The following EPS8L1 variants were observed in gnomAD, a reference collection of about 807,000 sequenced individuals.
The protein encoded by EPS8L1 is EPS8 signaling adaptor L1.
Under a neutral mutation model 91.7 loss-of-function variants are expected in EPS8L1, and 101 were observed. That is an observed-to-expected ratio of 1.10 (90% CI 0.94 to 1.30). The LOEUF is 1.30. EPS8L1 is among the 50% of genes most tolerant of loss of function. EPS8L1 has a pLI of 0.00. For missense variants in EPS8L1, 1,114 were observed against 1,017.0 expected, an observed-to-expected ratio of 1.10 and a Z score of -1.30; for synonymous variants, 506 against 445.3, an observed-to-expected ratio of 1.14 and a Z score of -1.72.
At position 55,079,840 on chromosome 19, in the gene EPS8L1, C is replaced by T. The variant is rs1188257963; in HGVS notation, c.268C>T (p.Pro90Ser). 2 of 1,612,548 alleles carry T rather than the reference C, an allele frequency of 1.2e-6. No individual in the cohort carries two copies. Among genetic ancestry groups the T allele is most frequent in the Admixed American group, 1.7e-5 (1 of 59,856 alleles). The change falls in exon 5 of 20, where the codon CCG (proline) becomes TCG (serine). Residue 90 changes from proline (P) to serine (S), a missense_variant. Physicochemically the swap from Pro to Ser is moderately conservative, Grantham distance 74 (BLOSUM62 -1). Coordinates refer to ENST00000201647, the MANE Select transcript of EPS8L1 (RefSeq NM_133180.3). Reference sequence around the variant, plus strand: ...TCCCGACCATGTCACGCTGCTCGACCCGGCCTCCAAGGTGCCGGGGGGCAC... The same window carrying T: ...TCCCGACCATGTCACGCTGCTCGACTCGGCCTCCAAGGTGCCGGGGGGCAC... ...VSPDHVTLLD[P>S]ASKEELESYP...
Position 55,077,584 on chromosome 19 carries a change from C to CTTTTT in EPS8L1, c.18-485_18-481dup, listed in dbSNP as rs35750835. ...AGCACCACCGCCTGACCTGACCTGT[C>CTTTTT]TTTTTTTTTTTTTTTTTTTTTTTGA... is the stretch of plus-strand genomic sequence containing the variant. On this transcript the variant is annotated intron_variant, in intron 2 of 19. Transcript: ENST00000201647. Among the ~76,000 whole-genome samples, 133 of 76,852 alleles carry CTTTTT rather than the reference C, an allele frequency of 1.7e-3. 1 individual carries two copies. Among genetic ancestry groups the CTTTTT allele is most frequent in the African/African-American group, 2.2e-3 (41 of 19,066 alleles). 50.4% of individuals were successfully genotyped at this position (76,852 alleles called of 152,430 possible).
Position 55,081,704 on chromosome 19 carries a change from G to C in EPS8L1, c.775-69G>C. 6.5e-7 allele frequency: 1 copy of C among 1,549,152 alleles called. No individual in the cohort carries two copies. Among genetic ancestry groups the C allele is most frequent in the South Asian group, 1.2e-5 (1 of 81,656 alleles). ...TCTGGGGAAGTGTATAGGTGCTCAG[G>C]TTCAGGGCTTCGACGGGGATGGTTT... On this transcript the variant is annotated intron_variant, in intron 8 of 19. Coordinates refer to ENST00000201647, the MANE Select transcript of EPS8L1 (RefSeq NM_133180.3). The surrounding 1 kb of genome is among the most constrained non-coding windows in gnomAD (Gnocchi z 4.9).
At chr19:55,082,236 C>T in intron 10 of EPS8L1, 39 bp from the exon 11 acceptor site, 8 of 1,601,840 alleles carry the variant, frequency 5.0e-6, no homozygotes, top group Middle Eastern at 1.7e-4. Context: ...CTGTCCCGTC[C>T]CCGCACCCAC....
chr19:55,086,524 T>G lies in EPS8L1; in HGVS notation c.1777+6T>G, dbSNP rs1340297040. ...CTTGGACCCCAGCGAGAAGGGTGAG[T>G]GGTGGGGACGCCGGCTGCGGGGAGC... On this transcript the variant is annotated splice_donor_region_variant and intron_variant, in intron 17 of 19. Coordinates refer to ENST00000201647, the MANE Select transcript of EPS8L1 (RefSeq NM_133180.3). The G allele has an allele frequency of 3.2e-6, 5 of 1,550,286 alleles. No homozygotes were observed. The Admixed American group carries it at 9.8e-5, about 30-fold the overall frequency.
rs761904592 is a variant in EPS8L1, at chr19:55,082,513, A to G, written c.1125A>G (p.Thr375=). 4 of 1,612,304 alleles carry G rather than the reference A, an allele frequency of 2.5e-6. No homozygotes were observed. The African/African-American group carries it at 4.0e-5, about 16-fold the overall frequency. The part of the protein sequence containing the change: ...FASSVRRPHL[T]SDAVALLRDN... ...GCAGTGTGCGGCGGCCGCATCTGAC[A>G]TCGGATGCCGTGGCGCTGCTGCGGG... Residue 375 remains threonine (T), a synonymous_variant, in exon 12 of 20, where the codon ACA becomes ACG. Coordinates refer to ENST00000201647, the MANE Select transcript of EPS8L1 (RefSeq NM_133180.3).
Position 55,081,375 on chromosome 19 carries a change from G to A in EPS8L1, c.657G>A (p.Glu219=). ...RGRPQAKPIP[E]AEEAQRPEPV... is the part of the protein sequence containing the mutation. ...GACCCCAGGCGAAGCCCATTCCCGAGGCAGAGGAGGCGCAGAGGCCTGAGC... is the reference window on the plus strand; with the variant it reads ...GACCCCAGGCGAAGCCCATTCCCGAAGCAGAGGAGGCGCAGAGGCCTGAGC... Residue 219 remains glutamate (E), a synonymous_variant, in exon 8 of 20, where the codon GAG becomes GAA. Transcript: ENST00000201647. This position sits in a 1 kb window ranked among gnomAD's most constrained non-coding sequence, Gnocchi z 4.9. 1 of 1,576,068 alleles carries A rather than the reference G, an allele frequency of 6.3e-7. No individual in the cohort carries two copies. Among genetic ancestry groups the A allele is most frequent in the East Asian group, 2.3e-5 (1 of 43,172 alleles).
In EPS8L1 at chr19:55,085,937, C is replaced by T. The variant is rs1033102160; in HGVS notation, c.1482C>T (p.Ser494=). ...LCNYDFQARN[S]SELSVKQRDV... is the part of the protein sequence containing the mutation. ...ATTATGACTTCCAGGCCCGCAACAG[C>T]AGTGAGCTGTCGGTCAAGCAGCGGG... Residue 494 remains serine, a synonymous_variant, in exon 15 of 20, where the codon AGC becomes AGT. Coordinates refer to ENST00000201647, the MANE Select transcript of EPS8L1 (RefSeq NM_133180.3). 4 of 1,613,574 alleles carry T rather than the reference C, an allele frequency of 2.5e-6. No individual in the cohort carries two copies. Among genetic ancestry groups the T allele is most frequent in the Non-Finnish European group, 3.4e-6 (4 of 1,179,738 alleles).
chr19:55,079,054 C>G lies in EPS8L1; in HGVS notation c.114C>G (p.Val38=), dbSNP rs766090182. 2.0e-5 allele frequency: 33 copies of G among 1,613,852 alleles called. No individual in the cohort carries two copies. The highest frequency in any genetic ancestry group is 2.8e-5 in the Non-Finnish European group (33 of 1,179,920). ...VVMADVSQYP[V]NHLVTFCLGE... is the part of the protein sequence containing the mutation. The stretch of plus-strand genomic sequence containing the variant: ...TGGCTGATGTATCCCAGTACCCAGT[C>G]AATGTGAGTCTGGGGTCTGTGTTCC... Residue 38 remains valine, a synonymous_variant, in exon 4 of 20, where the codon GTC becomes GTG. Coordinates refer to ENST00000201647, the MANE Select transcript of EPS8L1 (RefSeq NM_133180.3).
chr19:55,081,505 G>A lies in EPS8L1; in HGVS notation c.774+13G>A, dbSNP rs2076260712. On this transcript the variant is annotated intron_variant, in intron 8 of 19. Transcript: ENST00000201647. This position sits in a 1 kb window ranked among gnomAD's most constrained non-coding sequence, Gnocchi z 4.9. ...GGAGCGGGAAGTGGTGAGCCGCTAAGGAAGGGGTCTGGGGGCAGGGCCAGG... is the reference window on the plus strand; with the variant it reads ...GGAGCGGGAAGTGGTGAGCCGCTAAAGAAGGGGTCTGGGGGCAGGGCCAGG... 6 of 1,567,076 alleles carry A rather than the reference G, an allele frequency of 3.8e-6. No homozygotes were observed. Among genetic ancestry groups the A allele is most frequent in the Non-Finnish European group, 5.2e-6 (6 of 1,157,084 alleles).
At chr19:55,076,132 A>AAGAAG (rs1568769964) in intron 1 of EPS8L1, among the ~76,000 whole-genome samples, 738 of 15,908 alleles carry the variant, frequency 0.046, 10 homozygotes, top group Admixed American at 0.055. Context: ...AGGGAGGAGG[A>AAGAAG]GATGGGGCCT....
intron 6 of EPS8L1, chr19:55,080,538 C>T: frequency 6.2e-7 from 1 of 1,612,624 alleles, no homozygotes; most frequent in Non-Finnish European, 8.5e-7. Context: ...GCAGCCAGGA[C>T]GAGGTGGGGG....
At chr19:55,079,932 G>T (rs563334472) in intron 5 of EPS8L1, 81 bp downstream of exon 5, 23 of 1,488,718 alleles carry the variant, frequency 1.5e-5, no homozygotes, top group Non-Finnish European at 2.0e-5. Context: ...GCTCCTGCAC[G>T]TCCTTCCTCT....
At chr19:55,076,349 C>T in intron 1 of EPS8L1, 59 bp from the exon 2 acceptor site, 1 of 1,489,534 alleles carries the variant, frequency 6.7e-7, no homozygotes, top group Non-Finnish European at 9.2e-7. Flanking sequence ...AGGGAGGAGG[C>T]TGGGGTAGGA....
At position 55,083,176 on chromosome 19, in the gene EPS8L1, G is replaced by T. The variant is rs1404705675; in HGVS notation, c.1215-202G>T. 6.6e-6 allele frequency among the ~76,000 whole-genome samples: 1 copy of T among 152,228 alleles called. No individual in the cohort carries two copies. Among genetic ancestry groups the T allele is most frequent in the Non-Finnish European group, 1.5e-5 (1 of 68,046 alleles). On this transcript the variant is annotated intron_variant, in intron 12 of 19. Transcript: ENST00000201647. The surrounding 1 kb of genome is among the most constrained non-coding windows in gnomAD (Gnocchi z 4.7). ...CTCCCAAAATGCTGGGATTACAGGC[G>T]TGAGCCACCGTGCCCGGTCTAGAAA...
At chr19:55,076,320 GGCCTGGAT>G (rs1675542458) in intron 1 of EPS8L1, 80 bp from the exon 2 acceptor site, 3 of 1,213,234 alleles carry the variant, frequency 2.5e-6, no homozygotes, top group Non-Finnish European at 3.5e-6. Context: ...GAGGGGCTGG[GGCCTGGAT>G]GCCTGCATTG....
rs1281222022 is a variant in EPS8L1 at position 55,081,556 on chromosome 19, GA to G, written c.774+66del. 2.7e-6 allele frequency: 4 copies of G among 1,485,748 alleles called. No individual in the cohort carries two copies. The highest frequency in any genetic ancestry group is 3.6e-6 in the Non-Finnish European group (4 of 1,119,956). 92.0% of individuals were successfully genotyped at this position (1,485,748 alleles called of 1,614,324 possible). A position where few individuals can be genotyped will look rare whatever the true frequency, so the allele number is the denominator to read the frequency against. ...CGACTGGAGGCGGGGCTAGGGCGTG[GA>G]AGGGCGGGGCCGGCTGCGGGACGGG... On this transcript the variant is annotated intron_variant, in intron 8 of 19. Coordinates refer to ENST00000201647, the MANE Select transcript of EPS8L1 (RefSeq NM_133180.3). The surrounding 1 kb of genome is among the most constrained non-coding windows in gnomAD (Gnocchi z 4.9).
At chr19:55,080,583 G>T (rs1343216275) in intron 6 of EPS8L1, 189 bp from the exon 7 acceptor site, 1 of 1,605,206 alleles carries the variant, frequency 6.2e-7, no homozygotes, top group South Asian at 1.1e-5. Flanking sequence ...CCATGGGCGG[G>T]GTCGTGGCTT....
At position 55,081,857 on chromosome 19, in the gene EPS8L1, C is replaced by T. The variant is rs2076271166; in HGVS notation, c.859C>T (p.His287Tyr). The T allele has an allele frequency of 6.2e-7, 1 of 1,610,594 alleles. No homozygotes were observed. Among genetic ancestry groups the T allele is most frequent in the Admixed American group, 1.7e-5 (1 of 59,840 alleles). The change falls in exon 9 of 20, where the codon CAC becomes TAC. Residue 287 changes from histidine to tyrosine, a missense_variant. Transcript: ENST00000201647. The surrounding 1 kb of genome is among the most constrained non-coding windows in gnomAD (Gnocchi z 4.9). ...GGCGGAGGCGGCCAGGGTGCTGGAGCACCGGGAACGCGGCCGCAGGAGCCG... is the reference window on the plus strand; with the variant it reads ...GGCGGAGGCGGCCAGGGTGCTGGAGTACCGGGAACGCGGCCGCAGGAGCCG... Reference protein sequence around the residue: ...KSAEAARVLEHRERGRRSRRR... With the variant: ...KSAEAARVLEYRERGRRSRRR...
Position 55,086,142 on chromosome 19 carries a change from C to A in EPS8L1, c.1600C>A (p.Pro534Thr), listed in dbSNP as rs757013173. 1 of 1,607,140 alleles carries A rather than the reference C, an allele frequency of 6.2e-7. No individual in the cohort carries two copies. Among genetic ancestry groups the A allele is most frequent in the Non-Finnish European group, 8.5e-7 (1 of 1,176,152 alleles). ...ATATGTGCCCTACAACATCCTGACA[C>A]CCTACCCCGGACCCCGGCTGCACCA... ...EGYVPYNILT[P>T]YPGPRLHHSQ... The change falls in exon 16 of 20, where the codon CCC becomes ACC. Residue 534 changes from proline to threonine, a missense_variant. Pro to Thr is a conservative substitution (Grantham distance 38). Coordinates refer to ENST00000201647, the MANE Select transcript of EPS8L1 (RefSeq NM_133180.3).
Sources: gnomAD v4.1 joint callset for allele counts (sites outside exome capture counted in the v4.1 genomes callset) on GRCh38, gnomAD v4.1.1 for gene constraint, Gnocchi (gnomAD v3.1) non-coding constraint, MANE v1.5 for transcripts, NCBI Gene and HGNC (gene_info 2026-07-23, HGNC 2026-07-21) for gene names.